Variants in CLIP1 observed in about 807,000 individuals in gnomAD.
CLIP1 encodes the protein CAP-Gly domain-containing linker protein 1.
A neutral mutation model predicts 161.6 loss-of-function variants in CLIP1; 66 were observed. The ratio of observed to expected loss-of-function variants is 0.41; its 90% CI spans 0.33 to 0.50. The LOEUF is 0.50. Among genes scored for constraint, CLIP1 ranks in the 20% least tolerant of loss-of-function variants. CLIP1 has a pLI of 0.27. For synonymous variants in CLIP1, 598 were observed against 626.2 expected, an observed-to-expected ratio of 0.96 and a Z score of 0.67; for missense variants, 1,376 against 1,702.0, an observed-to-expected ratio of 0.81 and a Z score of 3.37.
At chr12:122,282,977 C>T (rs1955706008) in intron 21 of CLIP1, among the ~76,000 whole-genome samples, 1 of 152,138 alleles carries the variant, frequency 6.6e-6, no homozygotes, top group Non-Finnish European at 1.5e-5. Context: ...TGAAGTAGCA[C>T]GGGACCTCCT....
At chr12:122,337,160 G>A (rs1347120771) in intron 11 of CLIP1, among the ~76,000 whole-genome samples, 2 of 151,846 alleles carry the variant, frequency 1.3e-5, no homozygotes, top group African/African-American at 2.4e-5. Context: ...TACAGATGGG[G>A]TCTCTGGCTG....
intron 19 of CLIP1, among the ~76,000 whole-genome samples, chr12:122,315,557 C>T (rs1316527793): frequency 1.3e-5 from 2 of 152,092 alleles, no homozygotes; most frequent in Non-Finnish European, 2.9e-5. Flanking sequence ...CCTGAAACCA[C>T]GTAACAAATT....
intron 9 of CLIP1, 135 bp from the exon 10 acceptor site, chr12:122,347,614 G>A: frequency 1.5e-6 from 1 of 663,340 alleles, no homozygotes; most frequent in Non-Finnish European, 2.8e-6. Flanking sequence ...GAATGGAGAA[G>A]GGAAGAGGTG....
At chr12:122,368,436 C>CA (rs1479817824) in intron 3 of CLIP1, among the ~76,000 whole-genome samples, 1 of 152,068 alleles carries the variant, frequency 6.6e-6, no homozygotes, top group Non-Finnish European at 1.5e-5. Flanking sequence ...TGGGTGTCTA[C>CA]AAACAGGAAA....
chr12:122,336,726 A>G lies in CLIP1; in HGVS notation c.2474T>C (p.Leu825Pro). 1 of 1,605,072 alleles carries G rather than the reference A, an allele frequency of 6.2e-7. No individual in the cohort carries two copies. Among genetic ancestry groups the G allele is most frequent in the Non-Finnish European group, 8.5e-7 (1 of 1,173,440 alleles). The change falls in exon 12 of 26, where the codon CTC becomes CCC. Residue 825 changes from leucine (L) to proline (P), a missense_variant. By Grantham distance (98) the Leu-to-Pro change is moderately conservative. This residue lies in a region of CLIP1 where 948 missense variants were observed against 1,134.8 expected (regional missense o/e 0.84). Transcript: ENST00000620786. ...SSKASSITRE[L>P]QGRELKLTNL... ...AGTAAGCTTTAGCTCTCTCCCCTGG[A>G]GCTCTCTGGTAATGCTACTAGCCTA... is the stretch of plus-strand genomic sequence containing the variant.
chr12:122,337,831 T>C (rs572873282), intron 11 of CLIP1, among the ~76,000 whole-genome samples: 1 of 151,338 alleles, frequency 6.6e-6, no homozygotes, highest in African/African-American at 2.4e-5. Context: ...CTGGCCAACA[T>C]GGTGAAACCC....
intron 7 of CLIP1, among the ~76,000 whole-genome samples, chr12:122,353,012 T>C (rs922157040): frequency 7.2e-6 from 1 of 138,912 alleles, no homozygotes; most frequent in Non-Finnish European, 1.5e-5. Flanking sequence ...AAAAAAAAAA[T>C]CTATCATCAC....
intron 3 of CLIP1, among the ~76,000 whole-genome samples, chr12:122,368,960 T>G (rs1042184649): frequency 4.0e-5 from 6 of 150,966 alleles, no homozygotes; most frequent in African/African-American, 1.5e-4. Flanking sequence ...AATACAAATG[T>G]AAGCCTCACT....
At chr12:122,375,883 T>C (rs1954702136) in intron 3 of CLIP1, among the ~76,000 whole-genome samples, 1 of 150,616 alleles carries the variant, frequency 6.6e-6, no homozygotes, top group African/African-American at 2.4e-5. Context: ...AGCTTCCATC[T>C]CCCAGGCTCA....
chr12:122,379,696 C>T (rs907157546), intron 2 of CLIP1, among the ~76,000 whole-genome samples: 21 of 151,920 alleles, frequency 1.4e-4, no homozygotes, highest in Non-Finnish European at 3.1e-4. Flanking sequence ...TATAATCCAG[C>T]ACTTTGGGAG....
rs760559521 is a variant in CLIP1, at chr12:122,377,425, T to C, written c.621A>G (p.Lys207=). ...CTCCGATTTTGAGCTCTCTTTCTCC[T>C]TTCTTGATTGAGCCAGCCTCTGAAA... ...SNLSEAGSIK[K]GERELKIGDR... is the part of the protein sequence containing the mutation. Residue 207 remains lysine, a synonymous_variant, in exon 3 of 26, where the codon AAA becomes AAG. Coordinates refer to ENST00000620786, the MANE Select transcript of CLIP1 (RefSeq NM_001247997.2). 3.7e-6 allele frequency: 6 copies of C among 1,614,094 alleles called. No homozygotes were observed. In the East Asian group the frequency reaches 8.9e-5, roughly 24 times the overall value.
At chr12:122,294,129 C>A (rs1166467675) in intron 20 of CLIP1, among the ~76,000 whole-genome samples, 1 of 150,768 alleles carries the variant, frequency 6.6e-6, no homozygotes, top group Non-Finnish European at 1.5e-5. Flanking sequence ...GAGATCCAGA[C>A]CATCCTGACT....
intron 23 of CLIP1, 189 bp downstream of exon 23, chr12:122,278,603 C>A: frequency 1.7e-6 from 1 of 591,920 alleles, no homozygotes; most frequent in Non-Finnish European, 2.8e-6. Flanking sequence ...ATTGACAGAC[C>A]ACAAGAAGCC....
intron 5 of CLIP1, among the ~76,000 whole-genome samples, chr12:122,358,067 G>A (rs1953576116): frequency 6.6e-6 from 1 of 152,236 alleles, no homozygotes; most frequent in South Asian, 2.1e-4. Context: ...GGTAGACATG[G>A]GAGACTTTTC....
chr12:122,331,356 C>T (rs886778484), intron 15 of CLIP1, among the ~76,000 whole-genome samples: 1 of 151,560 alleles, frequency 6.6e-6, no homozygotes, highest in Middle Eastern at 3.2e-3. Context: ...GCTTTGTCAC[C>T]AAGGCTGGAG....
At chr12:122,360,842 G>A (rs1274081547) in intron 5 of CLIP1, 117 bp downstream of exon 5, 3 of 810,610 alleles carry the variant, frequency 3.7e-6, no homozygotes, top group African/African-American at 1.7e-5. Flanking sequence ...AGCAAAAGCT[G>A]TGAGCAACAT....
At chr12:122,397,257 G>A (rs1435098235) in intron 1 of CLIP1, among the ~76,000 whole-genome samples, 1 of 151,834 alleles carries the variant, frequency 6.6e-6, no homozygotes, top group East Asian at 1.9e-4. Context: ...TGGCTTGATG[G>A]AGACAAGCCC....
At chr12:122,277,764 T>C (rs1955488120) in intron 24 of CLIP1, 1 of 156,150 alleles carries the variant, frequency 6.4e-6, no homozygotes, top group Non-Finnish European at 1.4e-5. Flanking sequence ...TAAATCCACG[T>C]AATGGAACAC....
At chr12:122,406,585 CAA>C (rs1051487355) in intron 1 of CLIP1, among the ~76,000 whole-genome samples, 9 of 152,148 alleles carry the variant, frequency 5.9e-5, no homozygotes, top group African/African-American at 2.2e-4. Flanking sequence ...ACAGTAAATA[CAA>C]AGTTTATGGT....
Sources: allele counts gnomAD v4.1 joint callset (sites outside exome capture counted in the v4.1 genomes callset), GRCh38; gene constraint gnomAD v4.1.1; regional missense constraint gnomAD v4.1.1; transcripts MANE v1.5; gene names NCBI Gene and HGNC (gene_info 2026-07-23, HGNC 2026-07-21).